GRIK1: variants seen among roughly 807,000 people sequenced by gnomAD.
GRIK1 encodes glutamate ionotropic receptor kainate type subunit 1, also known as glutamate receptor ionotropic, kainate 1.
GRIK1 carries 69 observed loss-of-function variants against 105.7 expected under a neutral mutation model. That is an observed-to-expected ratio of 0.65 (90% CI 0.54 to 0.80). The LOEUF (loss-of-function observed/expected upper bound fraction) is 0.80. GRIK1 is among the 30% of genes least tolerant of loss of function. GRIK1 has a pLI of 0.00. For missense variants in GRIK1, 1,109 were observed against 1,167.3 expected, an observed-to-expected ratio of 0.95 and a Z score of 0.73; for synonymous variants, 438 against 431.3, an observed-to-expected ratio of 1.02 and a Z score of -0.19.
At chr21:29,686,044 C>T (rs181558048) in intron 3 of GRIK1, among the ~76,000 whole-genome samples, 4 of 152,330 alleles carry the variant, frequency 2.6e-5, no homozygotes, top group Non-Finnish European at 5.9e-5. Context: ...GGGCTTTCCC[C>T]CTCAGCCTAT....
intron 3 of GRIK1, among the ~76,000 whole-genome samples, chr21:29,676,420 G>C (rs1391681210): frequency 2.0e-5 from 3 of 152,198 alleles, no homozygotes; most frequent in Non-Finnish European, 4.4e-5. Context: ...AAGCACAGTA[G>C]ACAAAATTTA....
chr21:29,601,720 A>G (rs1368630407), intron 7 of GRIK1, among the ~76,000 whole-genome samples: 1 of 152,106 alleles, frequency 6.6e-6, no homozygotes, highest in East Asian at 1.9e-4. Flanking sequence ...TCTGACCAGT[A>G]TTGCTTGTGT....
At chr21:29,883,104 C>A (rs2069483762) in intron 1 of GRIK1, among the ~76,000 whole-genome samples, 1 of 152,062 alleles carries the variant, frequency 6.6e-6, no homozygotes, top group Non-Finnish European at 1.5e-5. Context: ...ACTAATTCAA[C>A]AATGTCATGC....
intron 13 of GRIK1, 46 bp from the exon 14 acceptor site, chr21:29,577,227 G>A: frequency 1.9e-6 from 2 of 1,063,160 alleles, no homozygotes; most frequent in Non-Finnish European, 2.9e-6. Context: ...CAGTCAGAAG[G>A]AAAGGGAAGA....
chr21:29,808,306 C>T (rs781057943), intron 1 of GRIK1, among the ~76,000 whole-genome samples: 2 of 152,118 alleles, frequency 1.3e-5, no homozygotes, highest in Admixed American at 6.6e-5. Context: ...CAGTGATCTG[C>T]TCCAACACCG....
At chr21:29,738,140 A>C (rs1424241712) in intron 1 of GRIK1, among the ~76,000 whole-genome samples, 1 of 152,264 alleles carries the variant, frequency 6.6e-6, no homozygotes, top group Non-Finnish European at 1.5e-5. Context: ...TGCACTGGGC[A>C]GACAGAGAGG....
In GRIK1 at chr21:29,537,529, C is replaced by G. The variant is rs192979876; in HGVS notation, c.2695-144G>C. The G allele has an allele frequency of 3.1e-4, 212 of 690,428 alleles. 2 individuals are homozygous for G. The East Asian group carries it at 4.0e-3, about 13-fold the overall frequency. The allele number at this position is 690,428 out of a possible 1,614,324, so 42.8% of individuals were successfully genotyped here. A position where few individuals can be genotyped will look rare whatever the true frequency, so the allele number is the denominator to read the frequency against. On this transcript the variant is annotated intron_variant, in intron 17 of 17. Coordinates refer to ENST00000327783, the MANE Select transcript of GRIK1 (RefSeq NM_001330994.2). ...AATTGGCCAGTTCCCATCACCTCCT[C>G]CTCCACCCGCTGGCCACCCACCTTT...
intron 7 of GRIK1, among the ~76,000 whole-genome samples, chr21:29,618,996 G>A (rs1488755515): frequency 2.6e-5 from 4 of 150,966 alleles, no homozygotes; most frequent in Non-Finnish European, 5.9e-5. Flanking sequence ...TGTGGTGGTG[G>A]GCGCTTGTAG....
intron 1 of GRIK1, chr21:29,748,326 A>G (rs577006256): frequency 4.6e-5 from 7 of 152,190 alleles, no homozygotes; most frequent in Non-Finnish European, 7.3e-5. Context: ...TGAAGTGGAC[A>G]CTCACGGGTC....
chr21:29,858,977 C>T (rs2068550517), intron 1 of GRIK1, among the ~76,000 whole-genome samples: 1 of 149,402 alleles, frequency 6.7e-6, no homozygotes, highest in African/African-American at 2.5e-5. Flanking sequence ...TATGTTGTAT[C>T]ACTTTCCTGA....
chr21:29,607,934 G>T (rs1465025297), intron 7 of GRIK1, among the ~76,000 whole-genome samples: 1 of 152,120 alleles, frequency 6.6e-6, no homozygotes, highest in Admixed American at 6.6e-5. Context: ...TAAGGTATCA[G>T]TTGACATGGA....
chr21:29,553,666 G>C (rs1209824791), intron 16 of GRIK1: 1 of 1,605,646 alleles, frequency 6.2e-7, no homozygotes, highest in South Asian at 1.1e-5. Flanking sequence ...TGGTTGGATG[G>C]GTTTGCTTAC....
At chr21:29,755,810 C>T (rs1244391840) in intron 1 of GRIK1, among the ~76,000 whole-genome samples, 1 of 151,784 alleles carries the variant, frequency 6.6e-6, no homozygotes, top group Non-Finnish European at 1.5e-5. Context: ...TTCTGGTCTC[C>T]AGAATTTAAC....
At chr21:29,733,832 A>G (rs1242997990) in intron 1 of GRIK1, among the ~76,000 whole-genome samples, 1 of 152,198 alleles carries the variant, frequency 6.6e-6, no homozygotes, top group Non-Finnish European at 1.5e-5. Context: ...TGCAGTTAAA[A>G]GAGATGCACA....
rs568805868 is a variant in GRIK1, at chr21:29,708,796, A to G, written c.119-14733T>C. 1.3e-4 allele frequency among the ~76,000 whole-genome samples: 20 copies of G among 152,314 alleles called. No homozygotes were observed. In the East Asian group the frequency reaches 3.9e-3, roughly 29 times the overall value. On this transcript the variant is annotated intron_variant, in intron 1 of 17. Transcript: ENST00000327783. The stretch of plus-strand genomic sequence containing the variant: ...AGCCTCAATTTTAATCCTCTTTTTA[A>G]AATTTTTTAATTTTTATTTTTTTTG...
intron 1 of GRIK1, among the ~76,000 whole-genome samples, chr21:29,900,452 T>C (rs1354119968): frequency 1.5e-5 from 1 of 65,774 alleles, no homozygotes; most frequent in African/African-American, 8.6e-5. Flanking sequence ...ACCAAACAAA[T>C]GGAAAGCAAG....
intron 4 of GRIK1, among the ~76,000 whole-genome samples, chr21:29,659,920 C>T (rs191998278): frequency 1.7e-4 from 26 of 152,202 alleles, no homozygotes; most frequent in Admixed American, 1.4e-3. Flanking sequence ...CGAGATCAGG[C>T]CATTGCACTC....
intron 8 of GRIK1, 112 bp from the exon 9 acceptor site, chr21:29,596,682 A>G: frequency 1.3e-6 from 1 of 790,136 alleles, no homozygotes; most frequent in East Asian, 2.4e-5. Context: ...GTTCCCACCC[A>G]TTGTTTGGAA....
intron 6 of GRIK1, among the ~76,000 whole-genome samples, chr21:29,647,645 A>T (rs529506240): frequency 1.3e-5 from 2 of 152,220 alleles, no homozygotes; most frequent in African/African-American, 4.8e-5. Flanking sequence ...ATTTTGGTCC[A>T]CTGAGAAGGA....
Sources: gnomAD v4.1 joint callset for allele counts (sites outside exome capture counted in the v4.1 genomes callset) on GRCh38, gnomAD v4.1.1 for gene constraint, MANE v1.5 for transcripts, NCBI Gene and HGNC (gene_info 2026-07-23, HGNC 2026-07-21) for gene names.